UBFD1: variants seen among roughly 807,000 people sequenced by gnomAD.
The protein encoded by UBFD1 is ubiquitin domain-containing protein UBFD1.
UBFD1 carries 12 observed loss-of-function variants against 35.1 expected under a neutral mutation model. That is an observed-to-expected ratio of 0.34 (90% confidence interval 0.22 to 0.55). The LOEUF (loss-of-function observed/expected upper bound fraction) is 0.55. Ranked by LOEUF, UBFD1 falls within the 20% of genes least tolerant of loss-of-function variation. The pLI is 0.89. For synonymous variants in UBFD1, 178 were observed against 167.6 expected, an observed-to-expected ratio of 1.06 and a Z score of -0.48; for missense variants, 337 against 410.8, an observed-to-expected ratio of 0.82 and a Z score of 1.55.
chr16:23,563,285 T>C (rs143831167), intron 5 of UBFD1, among the ~76,000 whole-genome samples: 1 of 152,192 alleles, frequency 6.6e-6, no homozygotes, highest in Admixed American at 6.5e-5. Context: ...TTTGACCCTA[T>C]AGTAGGTGAA....
intron 6 of UBFD1, chr16:23,569,139 A>C (rs1966051084): frequency 6.6e-6 from 1 of 152,186 alleles, no homozygotes; most frequent in African/African-American, 2.4e-5. Flanking sequence ...CCTTTGTCCT[A>C]ATGAAAGTAC....
chr16:23,564,927 C>T (rs1192288327), intron 5 of UBFD1: 1 of 152,202 alleles, frequency 6.6e-6, no homozygotes, highest in Non-Finnish European at 1.5e-5. Flanking sequence ...TATGTTGGGG[C>T]TTCTGAGCCC....
At position 23,559,648 on chromosome 16, in the gene UBFD1, A is replaced by G. The variant is rs1297616195; in HGVS notation, c.536A>G (p.Asn179Ser). Residue 179 changes from asparagine (N) to serine (S), a missense_variant, in exon 3 of 7, where the codon AAC (asparagine) becomes AGC (serine). Around this residue, in one of 4 missense-constraint regions of UBFD1, gnomAD observed 44 missense variants for 39.2 expected, o/e 1.12. Coordinates refer to ENST00000395878, the MANE Select transcript of UBFD1 (RefSeq NM_019116.3). ...CAGCAGGATGCAAAGGCCGAAGAGA[A>G]CAAGAAGGAGCCTCTCTGCAGGCAG... is the stretch of plus-strand genomic sequence containing the variant. ...AAQQDAKAEENKKEPLCRQKQ... is the reference protein window; with the variant it reads ...AAQQDAKAEESKKEPLCRQKQ... 2 of 1,614,122 alleles carry G rather than the reference A, an allele frequency of 1.2e-6. No homozygotes were observed. The highest frequency in any genetic ancestry group is 2.2e-5 in the East Asian group (1 of 44,900).
rs11546238 is a variant in UBFD1, at chr16:23,572,739, T to C, written c.*2149T>C. On this transcript the variant is annotated 3_prime_UTR_variant, in exon 7 of 7. Coordinates refer to ENST00000395878, the MANE Select transcript of UBFD1 (RefSeq NM_019116.3). ...AGGAGGACCAAAGCCTGCGTGAGCC[T>C]TTTTATTTTCAGTAAAATGGTGCTT... 2,117 of 153,688 alleles carry C rather than the reference T, an allele frequency of 0.014. 20 individuals carry two copies. The highest frequency in any genetic ancestry group is 0.027 in the Middle Eastern group (8 of 294). The allele number at this position is 153,688 out of a possible 1,614,324, so 9.5% of individuals were successfully genotyped here. A position where few individuals can be genotyped will look rare whatever the true frequency, so the allele number is the denominator to read the frequency against.
At chr16:23,557,796 G>C in intron 1 of UBFD1, 29 bp downstream of exon 1, 1 of 1,276,282 alleles carries the variant, frequency 7.8e-7, no homozygotes, top group Non-Finnish European at 9.9e-7. Flanking sequence ...GCGGGCGCCG[G>C]GCCGGGGCTG....
intron 4 of UBFD1, 96 bp from the exon 5 acceptor site, chr16:23,562,529 G>T (rs577251956): frequency 5.1e-6 from 6 of 1,167,146 alleles, no homozygotes; most frequent in Non-Finnish European, 6.1e-6. Context: ...TGGCCTCCCA[G>T]TGTGCTGGGA....
chr16:23,564,648 T>A (rs1259879119), intron 5 of UBFD1: 3 of 152,208 alleles, frequency 2.0e-5, no homozygotes, highest in African/African-American at 7.2e-5. Context: ...GGCAGCCTCA[T>A]TGAAGGCAGT....
In UBFD1 at chr16:23,572,062, T is replaced by C. The variant is rs1375583260; in HGVS notation, c.*1472T>C. ...TCATTCTGTGAAACGTATTAGCATG[T>C]GTTCGCCCAAGATGACTATTCCTTG... On this transcript the variant is annotated 3_prime_UTR_variant, in exon 7 of 7. Coordinates refer to ENST00000395878, the MANE Select transcript of UBFD1 (RefSeq NM_019116.3). The C allele has an allele frequency of 6.6e-6, 1 of 152,664 alleles. No individual in the cohort carries two copies. The highest frequency in any genetic ancestry group is 2.4e-5 in the African/African-American group (1 of 41,454). 9.5% of individuals were successfully genotyped at this position (152,664 alleles called of 1,614,324 possible).
intron 2 of UBFD1, 41 bp from the exon 3 acceptor site, chr16:23,559,427 C>A: frequency 1.9e-6 from 3 of 1,568,404 alleles, no homozygotes; most frequent in South Asian, 1.2e-5. Context: ...ATTTTTCTGT[C>A]CTTCCTTCCT....
At chr16:23,559,432 C>G in intron 2 of UBFD1, 36 bp from the exon 3 acceptor site, 1 of 1,586,306 alleles carries the variant, frequency 6.3e-7, no homozygotes, top group Non-Finnish European at 8.6e-7. Flanking sequence ...TCTGTCCTTC[C>G]TTCCTTTCAC....
At chr16:23,559,838 C>T (rs536625543) in intron 3 of UBFD1, 162 bp downstream of exon 3, 683 of 1,538,618 alleles carry the variant, frequency 4.4e-4, no homozygotes, top group Non-Finnish European at 5.5e-4. Context: ...TGACAACTAC[C>T]TGAGATTTGC....
rs1966120675 is a variant in UBFD1 at position 23,573,939 on chromosome 16, C to T, written c.*3349C>T. ...CTCTCGCTCCTTGCCTCTGTTCACA[C>T]CTGTTGTCTTGGAAGAGGATGGTCC... On this transcript the variant is annotated 3_prime_UTR_variant, in exon 7 of 7. Transcript: ENST00000395878. 6.6e-6 allele frequency: 1 copy of T among 152,272 alleles called. No individual in the cohort carries two copies. Among genetic ancestry groups the T allele is most frequent in the Non-Finnish European group, 1.5e-5 (1 of 68,092 alleles). The allele number at this position is 152,272 out of a possible 1,614,324, so 9.4% of individuals were successfully genotyped here.
Position 23,574,120 on chromosome 16 carries a change from TCTA to T in UBFD1, c.*3533_*3535del, listed in dbSNP as rs1219593478. On this transcript the variant is annotated 3_prime_UTR_variant, in exon 7 of 7. Transcript: ENST00000395878. Reference sequence around the variant, plus strand: ...AGATTGATCTGCCAGGCTGGGTGGTTCTACTGCTTTCTCAATTTCTAAGAACCT... The same window carrying T: ...AGATTGATCTGCCAGGCTGGGTGGTTCTGCTTTCTCAATTTCTAAGAACCT... The T allele has an allele frequency of 6.6e-6, 1 of 152,660 alleles. No homozygotes were observed. Among genetic ancestry groups the T allele is most frequent in the Non-Finnish European group, 1.5e-5 (1 of 68,046 alleles). 9.5% of individuals were successfully genotyped at this position (152,660 alleles called of 1,614,324 possible).
chr16:23,560,603 C>T (rs558504514), intron 3 of UBFD1, among the ~76,000 whole-genome samples: 3 of 152,118 alleles, frequency 2.0e-5, no homozygotes, highest in South Asian at 2.1e-4. Context: ...AGTATAAAAA[C>T]GAGAAGTGTT....
At chr16:23,565,202 C>G (rs1337146937) in intron 5 of UBFD1, 1 of 152,196 alleles carries the variant, frequency 6.6e-6, no homozygotes, top group Non-Finnish European at 1.5e-5. Context: ...ATGGAATGAC[C>G]ATCCCAGCAG....
intron 6 of UBFD1, among the ~76,000 whole-genome samples, chr16:23,567,305 T>A (rs1966025006): frequency 1.3e-5 from 2 of 152,234 alleles, no homozygotes; most frequent in African/African-American, 4.8e-5. Flanking sequence ...GGGGATATGT[T>A]TTCTCTTACC....
At chr16:23,568,643 GC>G (rs1280883791) in intron 6 of UBFD1, 2 of 151,130 alleles carry the variant, frequency 1.3e-5, no homozygotes, top group Non-Finnish European at 3.0e-5. Flanking sequence ...ACATGGTGAA[GC>G]CCCGTCTCTA....
At chr16:23,559,288 A>G (rs1965892324) in intron 2 of UBFD1, 180 bp from the exon 3 acceptor site, 1 of 579,878 alleles carries the variant, frequency 1.7e-6, no homozygotes, top group Non-Finnish European at 3.1e-6. Context: ...ACTTACTCTA[A>G]TAAATCTTCT....
intron 5 of UBFD1, chr16:23,564,897 G>A (rs1965988556): frequency 6.6e-6 from 1 of 152,216 alleles, no homozygotes; most frequent in African/African-American, 2.4e-5. Context: ...CCTAAAGGGA[G>A]AGCTGTAGAA....
Sources: allele counts gnomAD v4.1 joint callset (sites outside exome capture counted in the v4.1 genomes callset), GRCh38; gene constraint gnomAD v4.1.1; regional missense constraint gnomAD v4.1.1; transcripts MANE v1.5; gene names NCBI Gene and HGNC (gene_info 2026-07-23, HGNC 2026-07-21).